PDE3A: variants seen among roughly 807,000 people sequenced by gnomAD.
PDE3A encodes the protein phosphodiesterase 3A, also known as cGMP-inhibited 3',5'-cyclic phosphodiesterase 3A.
A neutral mutation model predicts 98.3 loss-of-function variants in PDE3A; 43 were observed. The observed-to-expected ratio is 0.44, with a 90% CI of 0.34 to 0.56. The LOEUF is 0.56. PDE3A is among the 20% of genes least tolerant of loss of function. The probability of loss-of-function intolerance (pLI) is 0.01; values close to 1 mark genes in which losing one functional copy is unlikely to be tolerated. For missense variants in PDE3A, 1,427 were observed against 1,440.7 expected, an observed-to-expected ratio of 0.99 and a Z score of 0.15; for synonymous variants, 663 against 567.9, an observed-to-expected ratio of 1.17 and a Z score of -2.38.
intron 2 of PDE3A, among the ~76,000 whole-genome samples, chr12:20,564,686 C>T (rs1047763958): frequency 6.6e-6 from 1 of 152,112 alleles, no homozygotes; most frequent in Non-Finnish European, 1.5e-5. Context: ...AGGCCCTGGT[C>T]TCTTAAAAGA....
chr12:20,423,931 G>A (rs896525448), intron 1 of PDE3A, among the ~76,000 whole-genome samples: 14 of 152,260 alleles, frequency 9.2e-5, no homozygotes, highest in Non-Finnish European at 4.4e-5. Flanking sequence ...AGCAGATAGT[G>A]CCTATAGTAA....
intron 1 of PDE3A, among the ~76,000 whole-genome samples, chr12:20,436,570 A>T (rs1944782279): frequency 6.6e-6 from 1 of 152,266 alleles, no homozygotes; most frequent in East Asian, 1.9e-4. Flanking sequence ...AGGAACTGGG[A>T]GTTTATCAGG....
intron 1 of PDE3A, among the ~76,000 whole-genome samples, chr12:20,401,363 G>C (rs749100697): frequency 1.3e-5 from 2 of 152,130 alleles, no homozygotes; most frequent in Non-Finnish European, 2.9e-5. Context: ...GTTTGTAGTT[G>C]TTTTTTGCCT....
At chr12:20,517,524 A>G (rs1183279478) in intron 1 of PDE3A, among the ~76,000 whole-genome samples, 1 of 152,214 alleles carries the variant, frequency 6.6e-6, no homozygotes, top group Non-Finnish European at 1.5e-5. Context: ...GCTTCTTTAT[A>G]AAATTTCTGC....
At chr12:20,527,912 C>T (rs755233226) in intron 1 of PDE3A, among the ~76,000 whole-genome samples, 28 of 147,476 alleles carry the variant, frequency 1.9e-4, no homozygotes, top group Non-Finnish European at 3.0e-4. Flanking sequence ...GTCTGTATAA[C>T]TTTAAAAGGA....
At chr12:20,574,430 G>C (rs969930467) in intron 2 of PDE3A, among the ~76,000 whole-genome samples, 7 of 152,076 alleles carry the variant, frequency 4.6e-5, no homozygotes, top group African/African-American at 1.7e-4. Flanking sequence ...TGACCTTAAT[G>C]AGATATTTAA....
At chr12:20,403,151 C>A (rs1368096427) in intron 1 of PDE3A, among the ~76,000 whole-genome samples, 1 of 152,134 alleles carries the variant, frequency 6.6e-6, no homozygotes, top group Non-Finnish European at 1.5e-5. Context: ...CTTGCTTGCT[C>A]AAGGTCTATC....
At chr12:20,443,547 T>C (rs190278556) in intron 1 of PDE3A, among the ~76,000 whole-genome samples, 76 of 152,300 alleles carry the variant, frequency 5.0e-4, no homozygotes, top group Non-Finnish European at 7.5e-4. Context: ...GACTAGTCAT[T>C]TTTTTGACTA....
At chr12:20,422,122 G>A (rs537894490) in intron 1 of PDE3A, among the ~76,000 whole-genome samples, 146 of 152,220 alleles carry the variant, frequency 9.6e-4, no homozygotes, top group African/African-American at 3.1e-3. Flanking sequence ...CGAGGTGGGC[G>A]GATCACTAGG....
chr12:20,511,428 A>G (rs2121117266), intron 1 of PDE3A, among the ~76,000 whole-genome samples: 1 of 151,734 alleles, frequency 6.6e-6, no homozygotes, highest in South Asian at 2.1e-4. Flanking sequence ...ACACACACAC[A>G]CACACACACA....
Position 20,685,409 on chromosome 12 carries a change from C to CAAAAAA in PDE3A, c.*5156_*5161dup, listed in dbSNP as rs71442269. Among the ~76,000 whole-genome samples the CAAAAAA allele has an allele frequency of 3.7e-3, 272 of 73,734 alleles. 4 individuals carry two copies. Among genetic ancestry groups the CAAAAAA allele is most frequent in the African/African-American group, 0.013 (208 of 16,544 alleles). The allele number at this position is 73,734 out of a possible 152,430, so 48.4% of individuals were successfully genotyped here. A position where few individuals can be genotyped will look rare whatever the true frequency, so the allele number is the denominator to read the frequency against. The stretch of plus-strand genomic sequence containing the variant: ...GGGCAACAGGAGTTAAATTTTGCCT[C>CAAAAAA]AAAAAAAAAAAAAAAAAAAAAAAGA... On this transcript the variant is annotated 3_prime_UTR_variant, in exon 16 of 16. Coordinates refer to ENST00000359062, the MANE Select transcript of PDE3A (RefSeq NM_000921.5).
At chr12:20,451,115 T>C (rs1945056501) in intron 1 of PDE3A, among the ~76,000 whole-genome samples, 1 of 152,190 alleles carries the variant, frequency 6.6e-6, no homozygotes, top group South Asian at 2.1e-4. Flanking sequence ...TATTTGGAAA[T>C]ATGCCTTGAT....
intron 15 of PDE3A, among the ~76,000 whole-genome samples, chr12:20,657,497 A>G (rs1426434104): frequency 2.0e-5 from 3 of 152,222 alleles, no homozygotes; most frequent in African/African-American, 7.2e-5. Context: ...AAATGTTTCA[A>G]TATGGTATCC....
Position 20,369,539 on chromosome 12 carries a change from C to T in PDE3A, c.255C>T (p.Val85=). Residue 85 remains valine (V), a synonymous_variant, in exon 1 of 16, where the codon GTC becomes GTT. Coordinates refer to ENST00000359062, the MANE Select transcript of PDE3A (RefSeq NM_000921.5). ...TGGTGAGGCTGGTCCGCGGGGAGGT[C>T]GGCTGTGACCTGGAGCAGTGTAAGG... is the stretch of plus-strand genomic sequence containing the variant. ...ALLVRLVRGE[V]GCDLEQCKEA... 1 of 1,557,744 alleles carries T rather than the reference C, an allele frequency of 6.4e-7. No individual in the cohort carries two copies. The highest frequency in any genetic ancestry group is 1.4e-5 in the African/African-American group (1 of 73,684).
chr12:20,429,384 G>A (rs975936608), intron 1 of PDE3A, among the ~76,000 whole-genome samples: 1 of 152,130 alleles, frequency 6.6e-6, no homozygotes, highest in African/African-American at 2.4e-5. Flanking sequence ...GCCTCAAATT[G>A]TTCCCTGGGA....
At chr12:20,503,315 C>G (rs769836322) in intron 1 of PDE3A, among the ~76,000 whole-genome samples, 1 of 151,864 alleles carries the variant, frequency 6.6e-6, no homozygotes, top group African/African-American at 2.4e-5. Context: ...ACTCATCAAT[C>G]TAGTGTTTCT....
intron 1 of PDE3A, among the ~76,000 whole-genome samples, chr12:20,482,055 C>G (rs924523373): frequency 6.6e-6 from 1 of 152,042 alleles, no homozygotes; most frequent in Non-Finnish European, 1.5e-5. Context: ...TGAGCCACCA[C>G]GCTCAGCGAG....
intron 1 of PDE3A, among the ~76,000 whole-genome samples, chr12:20,548,771 CT>C (rs989939365): frequency 4.1e-4 from 62 of 152,208 alleles, no homozygotes; most frequent in African/African-American, 1.5e-3. Context: ...CCATTAACGT[CT>C]TTTATCTGCT....
intron 15 of PDE3A, among the ~76,000 whole-genome samples, chr12:20,676,543 A>G (rs1217963971): frequency 8.1e-6 from 1 of 123,090 alleles, no homozygotes; most frequent in Non-Finnish European, 1.6e-5. Context: ...TCTGTCCCCC[A>G]TGCTGGAGTG....
Sources: gnomAD v4.1 joint callset for allele counts (sites outside exome capture counted in the v4.1 genomes callset) on GRCh38, gnomAD v4.1.1 for gene constraint, MANE v1.5 for transcripts, NCBI Gene and HGNC (gene_info 2026-07-23, HGNC 2026-07-21) for gene names.